Variants in DLG2 observed in about 807,000 individuals in gnomAD.
DLG2 encodes disks large homolog 2.
In DLG2, 45 loss-of-function variants were observed where a neutral mutation model predicts 132.5. The observed-to-expected ratio is 0.34, with a 90% CI of 0.27 to 0.44. The LOEUF is 0.44. DLG2 is among the 20% of genes least tolerant of loss of function. The pLI, the probability that DLG2 is intolerant of heterozygous loss-of-function variation, is 1.00. For missense variants in DLG2, 1,045 were observed against 1,196.9 expected (o/e 0.87, Z 1.87); for synonymous variants, 424 against 419.6 (o/e 1.01, Z -0.13).
At chr11:84,713,749 A>G (rs2060705034) in intron 6 of DLG2, among the ~76,000 whole-genome samples, 1 of 152,138 alleles carries the variant, frequency 6.6e-6, no homozygotes, top group African/African-American at 2.4e-5. Context: ...AGCATCTTAA[A>G]TTATTTTTTA....
intron 6 of DLG2, among the ~76,000 whole-genome samples, chr11:84,718,570 G>A (rs991150015): frequency 6.6e-6 from 1 of 152,120 alleles, no homozygotes; most frequent in African/African-American, 2.4e-5. Flanking sequence ...CTACACCAAT[G>A]GCTTATCTTA....
chr11:83,549,893 A>G (rs941859772), intron 19 of DLG2, among the ~76,000 whole-genome samples: 14 of 152,298 alleles, frequency 9.2e-5, no homozygotes, highest in Middle Eastern at 3.4e-3. Context: ...CTTAACCTCT[A>G]TGGGCTTCAG....
At chr11:85,200,767 C>A (rs1179840739) in intron 4 of DLG2, among the ~76,000 whole-genome samples, 2 of 152,140 alleles carry the variant, frequency 1.3e-5, no homozygotes, top group Non-Finnish European at 2.9e-5. Flanking sequence ...CAGCTTCCTT[C>A]CCACAGCAGA....
intron 6 of DLG2, among the ~76,000 whole-genome samples, chr11:84,663,978 C>T (rs1375962575): frequency 6.6e-6 from 1 of 152,172 alleles, no homozygotes; most frequent in Non-Finnish European, 1.5e-5. Context: ...AAATCCTAGG[C>T]CTCTTTGGAC....
chr11:85,275,101 C>CT (rs1421432131), intron 4 of DLG2, among the ~76,000 whole-genome samples: 1 of 152,074 alleles, frequency 6.6e-6, no homozygotes, highest in Admixed American at 6.5e-5. Flanking sequence ...TGTTAATATG[C>CT]TTTTTGTCAA....
intron 6 of DLG2, among the ~76,000 whole-genome samples, chr11:84,971,784 G>C (rs72957712): frequency 6.6e-6 from 1 of 152,064 alleles, no homozygotes; most frequent in Non-Finnish European, 1.5e-5. Context: ...AATTTCCACT[G>C]TTAAATTTTT....
intron 11 of DLG2, among the ~76,000 whole-genome samples, chr11:84,038,914 T>C (rs2095962507): frequency 6.6e-6 from 1 of 151,956 alleles, no homozygotes; most frequent in Admixed American, 6.6e-5. Context: ...TTGTAAGAAC[T>C]CACTCAATAT....
At chr11:85,119,453 G>C (rs551453550) in intron 5 of DLG2, among the ~76,000 whole-genome samples, 1 of 152,076 alleles carries the variant, frequency 6.6e-6, no homozygotes, top group East Asian at 1.9e-4. Flanking sequence ...GCATAGTTTT[G>C]TGAAATATTT....
chr11:84,307,115 T>C (rs904991172), intron 7 of DLG2, among the ~76,000 whole-genome samples: 1 of 152,062 alleles, frequency 6.6e-6, no homozygotes, highest in African/African-American at 2.4e-5. Context: ...CCACCAACGG[T>C]AGAATGGATA....
At chr11:85,060,799 G>A (rs1412141019) in intron 6 of DLG2, among the ~76,000 whole-genome samples, 1 of 151,728 alleles carries the variant, frequency 6.6e-6, no homozygotes, top group East Asian at 1.9e-4. Context: ...CCCAGAAACA[G>A]TGTATAAGGG....
intron 3 of DLG2, among the ~76,000 whole-genome samples, chr11:85,592,786 G>T (rs952407185): frequency 6.6e-6 from 1 of 151,566 alleles, no homozygotes; most frequent in Non-Finnish European, 1.5e-5. Context: ...TCTCCTTTCC[G>T]CAAAAAAAAT....
intron 15 of DLG2, among the ~76,000 whole-genome samples, chr11:83,923,321 G>A (rs1158815610): frequency 6.6e-5 from 10 of 152,106 alleles, no homozygotes; most frequent in Admixed American, 6.6e-4. Context: ...ATCCTATGAG[G>A]GGAACAGCAC....
chr11:85,225,155 G>C (rs2074899714), intron 4 of DLG2, among the ~76,000 whole-genome samples: 1 of 151,954 alleles, frequency 6.6e-6, no homozygotes, highest in Non-Finnish European at 1.5e-5. Flanking sequence ...GAGGAAACAG[G>C]GGCTGTCATG....
intron 19 of DLG2, among the ~76,000 whole-genome samples, chr11:83,593,962 C>T (rs370940427): frequency 5.9e-5 from 9 of 151,982 alleles, no homozygotes; most frequent in East Asian, 1.9e-4. Context: ...CTATATATAT[C>T]GTAAACCAAA....
intron 11 of DLG2, among the ~76,000 whole-genome samples, chr11:84,028,480 A>G (rs1364054739): frequency 1.3e-5 from 2 of 151,824 alleles, no homozygotes; most frequent in Non-Finnish European, 2.9e-5. Flanking sequence ...CCATGAAATA[A>G]TTTTTTTTGA....
At chr11:84,844,596 C>T (rs1455517735) in intron 6 of DLG2, among the ~76,000 whole-genome samples, 1 of 151,966 alleles carries the variant, frequency 6.6e-6, no homozygotes, top group East Asian at 1.9e-4. Context: ...CTTTCTTGCT[C>T]TATTTTTATT....
intron 7 of DLG2, among the ~76,000 whole-genome samples, chr11:84,476,670 G>A (rs1567733139): frequency 6.6e-6 from 1 of 152,196 alleles, no homozygotes; most frequent in Non-Finnish European, 1.5e-5. Flanking sequence ...CTGTCTCCCA[G>A]GAGGCTTGCC....
At chr11:83,566,416 C>A (rs2096709755) in intron 19 of DLG2, among the ~76,000 whole-genome samples, 1 of 152,080 alleles carries the variant, frequency 6.6e-6, no homozygotes, top group Non-Finnish European at 1.5e-5. Flanking sequence ...AATTTCATTC[C>A]TTTTCCCCTG....
chr11:84,467,800 G>GT (rs1394990053), intron 7 of DLG2, among the ~76,000 whole-genome samples: 1 of 151,400 alleles, frequency 6.6e-6, no homozygotes, highest in Non-Finnish European at 1.5e-5. Flanking sequence ...TAGAAGATGA[G>GT]TATTAAAATT....
Sources: allele counts gnomAD v4.1 joint callset (sites outside exome capture counted in the v4.1 genomes callset), GRCh38; gene constraint gnomAD v4.1.1; transcripts MANE v1.5; gene names NCBI Gene and HGNC (gene_info 2026-07-23, HGNC 2026-07-21).